The following PRDM11 variants were observed in gnomAD, a reference collection of about 807,000 sequenced individuals.
PRDM11 encodes the protein PR/SET domain 11.
PRDM11 carries 20 observed loss-of-function variants against 97.8 expected under a neutral mutation model. That is an observed-to-expected ratio of 0.20 (90% CI 0.14 to 0.30). PRDM11 has a LOEUF of 0.30. Among genes scored for constraint, PRDM11 ranks in the 10% least tolerant of loss-of-function variants. The probability of loss-of-function intolerance (pLI) is 1.00; values close to 1 mark genes in which losing one functional copy is unlikely to be tolerated. For synonymous variants in PRDM11, 599 were observed against 637.7 expected, an observed-to-expected ratio of 0.94 and a Z score of 0.91; for missense variants, 1,139 against 1,555.2, an observed-to-expected ratio of 0.73 and a Z score of 4.50.
chr11:45,169,991 T>C (rs370834316), intron 1 of PRDM11, among the ~76,000 whole-genome samples: 5 of 152,128 alleles, frequency 3.3e-5, no homozygotes, highest in African/African-American at 4.8e-5. Context: ...GACATTCTAT[T>C]TGGGGAGGCA....
At chr11:45,222,725 G>A (rs1226926526) in intron 6 of PRDM11, among the ~76,000 whole-genome samples, 2 of 152,204 alleles carry the variant, frequency 1.3e-5, no homozygotes, top group African/African-American at 4.8e-5. Context: ...CCAGCTATGG[G>A]AAACCAGACG....
intron 4 of PRDM11, among the ~76,000 whole-genome samples, chr11:45,186,469 C>G (rs1366596172): frequency 2.0e-5 from 3 of 152,120 alleles, no homozygotes; most frequent in African/African-American, 7.2e-5. Flanking sequence ...AGGGCATTTC[C>G]TACAGAAAAG....
chr11:45,161,912 C>A (rs1236545216), intron 1 of PRDM11, among the ~76,000 whole-genome samples: 1 of 152,212 alleles, frequency 6.6e-6, no homozygotes. Flanking sequence ...TCTCCCAAAG[C>A]CACATAGGTC....
intron 4 of PRDM11, among the ~76,000 whole-genome samples, chr11:45,190,548 A>T (rs180860675): frequency 1.3e-5 from 2 of 151,738 alleles, no homozygotes; most frequent in East Asian, 3.9e-4. Context: ...CCTAAGAGCA[A>T]GGTGTTCTTC....
intron 4 of PRDM11, among the ~76,000 whole-genome samples, chr11:45,185,167 TA>T (rs1852659488): frequency 6.6e-6 from 1 of 152,190 alleles, no homozygotes; most frequent in South Asian, 2.1e-4. Context: ...AGAGCTATTG[TA>T]GAAAGCAGTG....
intron 1 of PRDM11, among the ~76,000 whole-genome samples, chr11:45,113,292 T>C (rs569023973): frequency 1.3e-5 from 2 of 152,240 alleles, no homozygotes; most frequent in Non-Finnish European, 2.9e-5. Context: ...GGGTTCTCTA[T>C]TCTGTTCCAT....
chr11:45,194,043 T>C (rs1437403217), intron 4 of PRDM11, among the ~76,000 whole-genome samples: 1 of 152,212 alleles, frequency 6.6e-6, no homozygotes, highest in Non-Finnish European at 1.5e-5. Context: ...AATTTCACAG[T>C]TGAACGTAAG....
intron 1 of PRDM11, among the ~76,000 whole-genome samples, chr11:45,113,788 TTGTGTGTGTGTGTGTGTG>T (rs142584346): frequency 0.013 from 1,785 of 137,220 alleles, 49 homozygotes; most frequent in African/African-American, 0.046. Flanking sequence ...TGCTACTGAT[TTGTGTGTGTGTGTGTGTG>T]TGTGTGTGTG....
At chr11:45,147,097 G>A (rs1269059032) in intron 1 of PRDM11, among the ~76,000 whole-genome samples, 1 of 148,640 alleles carries the variant, frequency 6.7e-6, no homozygotes, top group African/African-American at 2.5e-5. Flanking sequence ...GTGAACCCTC[G>A]GCAGGTAGCT....
chr11:45,173,038 T>A (rs1055913324), intron 1 of PRDM11, among the ~76,000 whole-genome samples: 2 of 152,154 alleles, frequency 1.3e-5, no homozygotes, highest in African/African-American at 4.8e-5. Context: ...TCCCTTTGAT[T>A]TGGTCAAAAT....
intron 4 of PRDM11, among the ~76,000 whole-genome samples, chr11:45,203,367 G>GA (rs958751518): frequency 2.1e-5 from 3 of 145,632 alleles, no homozygotes; most frequent in Non-Finnish European, 3.0e-5. Flanking sequence ...GGGTGGACCT[G>GA]AAAAAAAAAC....
chr11:45,184,577 G>A (rs1267731635), intron 4 of PRDM11, among the ~76,000 whole-genome samples: 7 of 152,202 alleles, frequency 4.6e-5, no homozygotes, highest in African/African-American at 1.7e-4. Context: ...ACTGGCCTAA[G>A]GAAGGGAGCA....
At chr11:45,118,244 C>T (rs73464541) in intron 1 of PRDM11, among the ~76,000 whole-genome samples, 3,850 of 152,158 alleles carry the variant, frequency 0.025, 170 homozygotes, top group African/African-American at 0.088. Context: ...AACAAAAAAC[C>T]AGGTGAAACC....
intron 6 of PRDM11, among the ~76,000 whole-genome samples, chr11:45,220,326 C>T (rs1448357377): frequency 6.6e-6 from 1 of 152,192 alleles, no homozygotes; most frequent in African/African-American, 2.4e-5. Context: ...AGATTTTCTG[C>T]ATGTTCCCAT....
rs530649142 is a variant in PRDM11 at position 45,130,597 on chromosome 11, T to C, written c.96+34696T>C. Among the ~76,000 whole-genome samples, 7 of 152,292 alleles carry C rather than the reference T, an allele frequency of 4.6e-5. No individual in the cohort carries two copies. The South Asian group carries it at 1.0e-3, about 23-fold the overall frequency. On this transcript the variant is annotated intron_variant, in intron 1 of 6. Coordinates refer to the PRDM11 transcript ENST00000530656. ...ACGTGGCACACCTGGAACTCACTCA[T>C]GTATTGTTTTTGAGAGTGTAAATTG...
chr11:45,135,333 T>C (rs1852818202), intron 1 of PRDM11, among the ~76,000 whole-genome samples: 1 of 152,146 alleles, frequency 6.6e-6, no homozygotes, highest in East Asian at 1.9e-4. Context: ...TTAACCAAGA[T>C]TCATAAATAT....
rs549521727 is a variant in PRDM11, at chr11:45,164,454, A to G, written c.-6-17307A>G. On this transcript the variant is annotated intron_variant, in intron 1 of 7. Coordinates refer to ENST00000683152, the MANE Select transcript of PRDM11 (RefSeq NM_001384648.1). ...AATTTTACCTTCTTGGTTTTCATGA[A>G]TCATTTCCCATCTGGGGGCGTGCAA... 3.3e-5 allele frequency among the ~76,000 whole-genome samples: 5 copies of G among 152,316 alleles called. No individual in the cohort carries two copies. In the East Asian group the frequency reaches 5.8e-4, roughly 18 times the overall value.
intron 3 of PRDM11, 78 bp from the exon 4 acceptor site, chr11:45,182,783 C>T: frequency 6.8e-7 from 1 of 1,461,876 alleles, no homozygotes; most frequent in Non-Finnish European, 9.2e-7. Flanking sequence ...GGCCTCCTGT[C>T]AGCCCCTCTA....
At chr11:45,208,487 T>G (rs1471550054) in intron 5 of PRDM11, among the ~76,000 whole-genome samples, 1 of 152,232 alleles carries the variant, frequency 6.6e-6, no homozygotes, top group Non-Finnish European at 1.5e-5. Flanking sequence ...TTAAGAGATT[T>G]TAAGCCCCTT....
Sources: allele counts gnomAD v4.1 joint callset (sites outside exome capture counted in the v4.1 genomes callset), GRCh38; gene constraint gnomAD v4.1.1; transcripts MANE v1.5; gene names NCBI Gene and HGNC (gene_info 2026-07-23, HGNC 2026-07-21).